Variants in PHF14 observed in about 807,000 individuals in gnomAD.
The protein encoded by PHF14 is PHD finger protein 14.
In PHF14, 55 loss-of-function variants were observed where a neutral mutation model predicts 117.9. That is an observed-to-expected ratio of 0.47 (90% CI 0.38 to 0.58). The LOEUF (loss-of-function observed/expected upper bound fraction) is 0.58, where lower values mean the gene tolerates loss of function less well. Ranked by LOEUF, PHF14 falls within the 20% of genes least tolerant of loss-of-function variation. The pLI is 0.00. For missense variants in PHF14, 978 were observed against 1,122.2 expected, an observed-to-expected ratio of 0.87 and a Z score of 1.84; for synonymous variants, 409 against 368.6, an observed-to-expected ratio of 1.11 and a Z score of -1.26.
intron 4 of PHF14, among the ~76,000 whole-genome samples, chr7:10,991,351 T>C (rs1475246147): frequency 6.6e-6 from 1 of 151,954 alleles, no homozygotes; most frequent in African/African-American, 2.4e-5. Flanking sequence ...CTAATTTTTG[T>C]ATTTTTAGTA....
intron 13 of PHF14, among the ~76,000 whole-genome samples, chr7:11,048,275 A>G (rs1784742175): frequency 6.6e-6 from 1 of 152,134 alleles, no homozygotes; most frequent in Non-Finnish European, 1.5e-5. Flanking sequence ...TTTTCCTTAA[A>G]ATATTATTTG....
chr7:11,154,112 C>T (rs565072459), intron 17 of PHF14, among the ~76,000 whole-genome samples: 3 of 152,076 alleles, frequency 2.0e-5, no homozygotes, highest in African/African-American at 7.2e-5. Context: ...ATGGATTTAA[C>T]CAGGTTATTT....
chr7:11,144,618 A>G (rs908640671), intron 17 of PHF14, among the ~76,000 whole-genome samples: 5 of 148,782 alleles, frequency 3.4e-5, no homozygotes, highest in Non-Finnish European at 7.4e-5. Flanking sequence ...ATAATATATA[A>G]TTATATTTAC....
At chr7:11,122,951 C>T (rs1787818745) in intron 17 of PHF14, among the ~76,000 whole-genome samples, 1 of 152,146 alleles carries the variant, frequency 6.6e-6, no homozygotes, top group African/African-American at 2.4e-5. Context: ...AAGAATCTTC[C>T]TCTATTATTC....
chr7:11,082,035 A>T (rs954079746), intron 16 of PHF14, among the ~76,000 whole-genome samples: 4 of 152,042 alleles, frequency 2.6e-5, no homozygotes, highest in African/African-American at 7.2e-5. Flanking sequence ...TGGATATTAG[A>T]TATCTCTTGA....
chr7:10,988,120 GC>G (rs1185373063), intron 3 of PHF14, among the ~76,000 whole-genome samples: 3 of 151,484 alleles, frequency 2.0e-5, no homozygotes, highest in Non-Finnish European at 4.4e-5. Flanking sequence ...TTGTCTGCTA[GC>G]CATTTAGTTA....
chr7:11,140,425 A>G (rs774433200), intron 17 of PHF14, among the ~76,000 whole-genome samples: 16 of 152,122 alleles, frequency 1.1e-4, no homozygotes, highest in Admixed American at 2.0e-4. Context: ...ATGTAGGTCT[A>G]TATGTTGTTT....
chr7:11,050,840 T>C (rs1306060937), intron 13 of PHF14, among the ~76,000 whole-genome samples: 1 of 152,166 alleles, frequency 6.6e-6, no homozygotes, highest in Non-Finnish European at 1.5e-5. Context: ...CCAAATAATA[T>C]GACCTTTTTT....
At chr7:11,076,570 T>TC (rs900335102) in intron 16 of PHF14, among the ~76,000 whole-genome samples, 6 of 146,628 alleles carry the variant, frequency 4.1e-5, no homozygotes, top group South Asian at 2.2e-4. Flanking sequence ...TCTTTTTCTT[T>TC]TTTTTTTTTT....
chr7:11,021,603 T>G (rs1434479513), intron 5 of PHF14, among the ~76,000 whole-genome samples: 1 of 152,098 alleles, frequency 6.6e-6, no homozygotes, highest in Non-Finnish European at 1.5e-5. Context: ...TTATCAGAGA[T>G]AAACTCCTAC....
At chr7:11,065,245 A>G (rs1785384929) in intron 16 of PHF14, among the ~76,000 whole-genome samples, 1 of 152,080 alleles carries the variant, frequency 6.6e-6, no homozygotes, top group African/African-American at 2.4e-5. Context: ...ATATTTCTTT[A>G]TGCTATTTAA....
intron 7 of PHF14, 87 bp downstream of exon 7, chr7:11,028,905 G>T (rs1199058553): frequency 2.7e-6 from 3 of 1,118,628 alleles, no homozygotes; most frequent in East Asian, 2.7e-5. Flanking sequence ...AATAATAAAA[G>T]AAATTTTAAC....
At chr7:11,156,974 A>G (rs894887573) in intron 17 of PHF14, among the ~76,000 whole-genome samples, 2 of 152,190 alleles carry the variant, frequency 1.3e-5, no homozygotes, top group African/African-American at 4.8e-5. Context: ...TTTTGATATC[A>G]TAACTGAACT....
chr7:11,116,892 A>G (rs1182234408), intron 17 of PHF14, among the ~76,000 whole-genome samples: 1 of 151,940 alleles, frequency 6.6e-6, no homozygotes, highest in Non-Finnish European at 1.5e-5. Flanking sequence ...ATGTCAACAA[A>G]TTGACATTTT....
chr7:11,151,190 A>T (rs1788693736), intron 17 of PHF14, among the ~76,000 whole-genome samples: 2 of 152,210 alleles, frequency 1.3e-5, no homozygotes, highest in Admixed American at 1.3e-4. Flanking sequence ...TTTATTGAAC[A>T]ATGTGGTTGC....
At chr7:11,166,559 A>G (rs1246671909) in intron 17 of PHF14, among the ~76,000 whole-genome samples, 1 of 152,192 alleles carries the variant, frequency 6.6e-6, no homozygotes. Flanking sequence ...ATAAATTAGC[A>G]TTTCCAAAAA....
chr7:11,006,922 C>T (rs557078894), intron 4 of PHF14: 2 of 467,946 alleles, frequency 4.3e-6, no homozygotes, highest in Non-Finnish European at 4.0e-6. Flanking sequence ...CACCTTTAAT[C>T]CCAGCATGTT....
chr7:11,067,117 A>T (rs558490460), intron 16 of PHF14, among the ~76,000 whole-genome samples: 1 of 152,346 alleles, frequency 6.6e-6, no homozygotes, highest in South Asian at 2.1e-4. Flanking sequence ...ACAACTCAGC[A>T]ATAAGAAACA....
chr7:11,114,834 A>T (rs1787553036), intron 17 of PHF14, among the ~76,000 whole-genome samples: 1 of 152,064 alleles, frequency 6.6e-6, no homozygotes, highest in Non-Finnish European at 1.5e-5. Context: ...AAAGCCATTG[A>T]TTAAGACAGC....
Sources: allele counts gnomAD v4.1 joint callset (sites outside exome capture counted in the v4.1 genomes callset), GRCh38; gene constraint gnomAD v4.1.1; transcripts MANE v1.5; gene names NCBI Gene and HGNC (gene_info 2026-07-23, HGNC 2026-07-21).